Variants in EFHD2 observed in about 807,000 individuals in gnomAD.
The protein encoded by EFHD2 is EF-hand domain-containing protein D2.
Under a neutral mutation model 20.3 loss-of-function variants are expected in EFHD2, and 12 were observed. The ratio of observed to expected loss-of-function variants is 0.59; its 90% CI spans 0.38 to 0.96. The LOEUF (loss-of-function observed/expected upper bound fraction) is 0.96, where lower values mean the gene tolerates loss of function less well. Ranked by LOEUF, EFHD2 falls within the 40% of genes least tolerant of loss-of-function variation. EFHD2 has a pLI of 0.00. For missense variants in EFHD2, 250 were observed against 334.3 expected, an observed-to-expected ratio of 0.75 and a Z score of 1.97; for synonymous variants, 131 against 143.9, an observed-to-expected ratio of 0.91 and a Z score of 0.64.
intron 1 of EFHD2, among the ~76,000 whole-genome samples, chr1:15,417,052 C>A (rs1707683595): frequency 6.6e-6 from 1 of 152,080 alleles, no homozygotes; most frequent in Non-Finnish European, 1.5e-5. Context: ...CCCAAGCCAC[C>A]CTCCCACCTC....
In EFHD2 at chr1:15,415,705, G is replaced by C. The variant is rs1341246455; in HGVS notation, c.308+5426G>C. ...GGATTTCACCATGTTGGCCAGGCTG[G>C]TCTCGAACTTCTGACCTCAAGTGAT... On this transcript the variant is annotated intron_variant, in intron 1 of 3. Coordinates refer to ENST00000375980, the MANE Select transcript of EFHD2 (RefSeq NM_024329.6). 2.0e-5 allele frequency among the ~76,000 whole-genome samples: 3 copies of C among 152,010 alleles called. No individual in the cohort carries two copies. In the East Asian group the frequency reaches 5.8e-4, roughly 29 times the overall value.
Position 15,410,012 on chromosome 1 carries a change from T to C in EFHD2, c.41T>C (p.Leu14Pro). ...DELATKLSRRLQMEGEGGGET... is the reference protein window; with the variant it reads ...DELATKLSRRPQMEGEGGGET... Reference sequence around the variant, plus strand: ...CTGGCCACCAAGCTGAGCCGGCGGCTGCAGATGGAGGGCGAGGGCGGCGGC... The same window carrying C: ...CTGGCCACCAAGCTGAGCCGGCGGCCGCAGATGGAGGGCGAGGGCGGCGGC... Residue 14 changes from leucine to proline, a missense_variant, in exon 1 of 4, where the codon CTG becomes CCG. Coordinates refer to ENST00000375980, the MANE Select transcript of EFHD2 (RefSeq NM_024329.6). 7.9e-7 allele frequency: 1 copy of C among 1,262,368 alleles called. No homozygotes were observed. The highest frequency in any genetic ancestry group is 4.3e-5 in the Admixed American group (1 of 23,084). The allele number at this position is 1,262,368 out of a possible 1,614,324, so 78.2% of individuals were successfully genotyped here.
rs552314073 is a variant in EFHD2, at chr1:15,430,120, G to A, written c.*1396G>A. 12 of 152,706 alleles carry A rather than the reference G, an allele frequency of 7.9e-5. 1 individual carries two copies. The highest frequency in any genetic ancestry group is 5.8e-4 in the East Asian group (3 of 5,182). The allele number at this position is 152,706 out of a possible 1,614,324, so 9.5% of individuals were successfully genotyped here. ...GAATCTGCAGAAATTAGGAGGCACCGAGCCCAGCGCAGCAGCCTCGGACCC... is the reference window on the plus strand; with the variant it reads ...GAATCTGCAGAAATTAGGAGGCACCAAGCCCAGCGCAGCAGCCTCGGACCC... On this transcript the variant is annotated 3_prime_UTR_variant, in exon 4 of 4. Transcript: ENST00000375980.
At chr1:15,423,088 G>A (rs907720445) in intron 1 of EFHD2, among the ~76,000 whole-genome samples, 1 of 152,156 alleles carries the variant, frequency 6.6e-6, no homozygotes, top group African/African-American at 2.4e-5. Flanking sequence ...TGTGGCGCCC[G>A]CCCAGCCCTC....
chr1:15,429,043 A>G lies in EFHD2; in HGVS notation c.*319A>G. ...TGCCCCAGGCCCAGCTCCTGGCCCT[A>G]GGTCCCTCCCAGCCCCATGTGCCTG... On this transcript the variant is annotated 3_prime_UTR_variant, in exon 4 of 4. Transcript: ENST00000375980. The G allele has an allele frequency of 2.9e-6, 1 of 348,282 alleles. No homozygotes were observed. Among genetic ancestry groups the G allele is most frequent in the South Asian group, 2.5e-5 (1 of 40,012 alleles). 21.6% of individuals were successfully genotyped at this position (348,282 alleles called of 1,614,324 possible).
At chr1:15,428,035 A>G (rs1417627719) in intron 3 of EFHD2, 1 of 469,046 alleles carries the variant, frequency 2.1e-6, no homozygotes. Flanking sequence ...CCTCTCAACA[A>G]CTCCCTAAGA....
rs1707575404 is a variant in EFHD2, at chr1:15,413,206, G to T, written c.308+2927G>T. Reference sequence around the variant, plus strand: ...GCCAGGGCTCTGGGGAGAGCAGAGGGCAGAGAGGAGGGGAGCCTGCCCTCC... The same window carrying T: ...GCCAGGGCTCTGGGGAGAGCAGAGGTCAGAGAGGAGGGGAGCCTGCCCTCC... On this transcript the variant is annotated intron_variant, in intron 1 of 3. Transcript: ENST00000375980. The surrounding 1 kb of genome is among the most constrained non-coding windows in gnomAD (Gnocchi z 4.4). Among the ~76,000 whole-genome samples the T allele has an allele frequency of 6.6e-6, 1 of 152,176 alleles. No homozygotes were observed. The highest frequency in any genetic ancestry group is 1.5e-5 in the Non-Finnish European group (1 of 68,034).
intron 1 of EFHD2, among the ~76,000 whole-genome samples, chr1:15,425,583 G>A (rs891541803): frequency 2.0e-5 from 3 of 151,906 alleles, no homozygotes; most frequent in Non-Finnish European, 4.4e-5. Context: ...TTCAGCACAC[G>A]GAGCCTGTCA....
rs1041755587 is a variant in EFHD2 at position 15,427,130 on chromosome 1, C to T, written c.457-20C>T. 1.2e-5 allele frequency: 19 copies of T among 1,609,096 alleles called. No individual in the cohort carries two copies. The highest frequency in any genetic ancestry group is 3.3e-5 in the South Asian group (3 of 90,430). ...CCTTCCCTCCCTTCCTGACACCGCG[C>T]GCCTCCCTCCCCGCTGCAGTTCCTC... On this transcript the variant is annotated intron_variant, in intron 2 of 3. Transcript: ENST00000375980.
Position 15,410,130 on chromosome 1 carries a change from C to G in EFHD2, c.159C>G (p.Cys53Trp). ...EAAEALGSAD[C>W]ELSAKLLRRA... ...CCGAGGCGCTGGGCAGCGCGGACTG[C>G]GAGCTGAGCGCCAAGCTGCTGCGGC... Residue 53 changes from cysteine to tryptophan, a missense_variant, in exon 1 of 4, where the codon TGC becomes TGG. Cys to Trp is a radical substitution (Grantham distance 215). Around this residue, in one of 3 missense-constraint regions of EFHD2, gnomAD observed 143 missense variants for 190.6 expected, o/e 0.75. Coordinates refer to ENST00000375980, the MANE Select transcript of EFHD2 (RefSeq NM_024329.6). The G allele has an allele frequency of 6.3e-7, 1 of 1,582,288 alleles. No individual in the cohort carries two copies. Among genetic ancestry groups the G allele is most frequent in the South Asian group, 1.1e-5 (1 of 87,606 alleles).
chr1:15,424,913 C>G (rs1374038152), intron 1 of EFHD2, among the ~76,000 whole-genome samples: 1 of 152,192 alleles, frequency 6.6e-6, no homozygotes, highest in Non-Finnish European at 1.5e-5. Flanking sequence ...TCCAGTGCTT[C>G]TCAGCGGAGA....
chr1:15,428,585 C>G lies in EFHD2; in HGVS notation c.592-8C>G. 1.9e-6 allele frequency: 3 copies of G among 1,610,402 alleles called. No homozygotes were observed. Among genetic ancestry groups the G allele is most frequent in the Non-Finnish European group, 2.5e-6 (3 of 1,178,546 alleles). On this transcript the variant is annotated splice_polypyrimidine_tract_variant and splice_region_variant and intron_variant, in intron 3 of 3. Transcript: ENST00000375980. ...AGCCCTGACCCCCTCACCCCCATGC[C>G]CCCGCAGGTCCAGGCCATCAACGTG...
chr1:15,428,783 T>C lies in EFHD2; in HGVS notation c.*59T>C. 1 of 1,547,876 alleles carries C rather than the reference T, an allele frequency of 6.5e-7. No homozygotes were observed. The highest frequency in any genetic ancestry group is 8.7e-7 in the Non-Finnish European group (1 of 1,145,856). ...CAGTGTGGTGGGCGAGGGTGGCGCA[T>C]GGGAGGCCGAGCCTGAATCCTTGCC... On this transcript the variant is annotated 3_prime_UTR_variant, in exon 4 of 4. Coordinates refer to ENST00000375980, the MANE Select transcript of EFHD2 (RefSeq NM_024329.6).
At chr1:15,427,125 C>A (rs750955719) in intron 2 of EFHD2, 25 bp from the exon 3 acceptor site, 92 of 1,607,958 alleles carry the variant, frequency 5.7e-5, no homozygotes, top group Middle Eastern at 2.0e-4. Context: ...CTTCCTGACA[C>A]CGCGCGCCTC....
chr1:15,413,249 G>C lies in EFHD2; in HGVS notation c.308+2970G>C, dbSNP rs1707576245. Among the ~76,000 whole-genome samples, 2 of 152,186 alleles carry C rather than the reference G, an allele frequency of 1.3e-5. No individual in the cohort carries two copies. The highest frequency in any genetic ancestry group is 1.3e-4 in the Admixed American group (2 of 15,284). Reference sequence around the variant, plus strand: ...TGCCCTCCTGGGAAGCCAGTCACTAGAGCAGGAGGCAGGAGACCATGAGGT... The same window carrying C: ...TGCCCTCCTGGGAAGCCAGTCACTACAGCAGGAGGCAGGAGACCATGAGGT... On this transcript the variant is annotated intron_variant, in intron 1 of 3. Transcript: ENST00000375980. This position sits in a 1 kb window ranked among gnomAD's most constrained non-coding sequence, Gnocchi z 4.4.
chr1:15,418,914 C>T (rs1707739409), intron 1 of EFHD2, among the ~76,000 whole-genome samples: 1 of 152,276 alleles, frequency 6.6e-6, no homozygotes, highest in Non-Finnish European at 1.5e-5. Context: ...CCTCAGTCTC[C>T]TTGTCGGTTC....
intron 1 of EFHD2, among the ~76,000 whole-genome samples, chr1:15,419,435 T>C (rs2103275207): frequency 6.6e-6 from 1 of 152,342 alleles, no homozygotes; most frequent in East Asian, 1.9e-4. Context: ...GGCATTGGCC[T>C]TCCCAAACAG....
Position 15,429,039 on chromosome 1 carries a change from C to G in EFHD2, c.*315C>G. 1 of 351,570 alleles carries G rather than the reference C, an allele frequency of 2.8e-6. No homozygotes were observed. The highest frequency in any genetic ancestry group is 2.5e-5 in the South Asian group (1 of 40,296). The allele number at this position is 351,570 out of a possible 1,614,324, so 21.8% of individuals were successfully genotyped here. A position where few individuals can be genotyped will look rare whatever the true frequency, so the allele number is the denominator to read the frequency against. The stretch of plus-strand genomic sequence containing the variant: ...GCACTGCCCCAGGCCCAGCTCCTGG[C>G]CCTAGGTCCCTCCCAGCCCCATGTG... On this transcript the variant is annotated 3_prime_UTR_variant, in exon 4 of 4. Coordinates refer to ENST00000375980, the MANE Select transcript of EFHD2 (RefSeq NM_024329.6).
chr1:15,423,145 T>C (rs895116292), intron 1 of EFHD2, among the ~76,000 whole-genome samples: 4 of 152,218 alleles, frequency 2.6e-5, no homozygotes, highest in Admixed American at 6.5e-5. Flanking sequence ...GCGCCTCCGC[T>C]GTGCCCCCCA....
Sources: allele counts gnomAD v4.1 joint callset (sites outside exome capture counted in the v4.1 genomes callset), GRCh38; gene constraint gnomAD v4.1.1; regional missense constraint gnomAD v4.1.1; non-coding constraint Gnocchi (gnomAD v3.1); transcripts MANE v1.5; gene names NCBI Gene and HGNC (gene_info 2026-07-23, HGNC 2026-07-21).